The following CCDC102B variants were observed in gnomAD, a reference collection of about 807,000 sequenced individuals.
CCDC102B encodes coiled-coil domain-containing protein 102B.
CCDC102B carries 75 observed loss-of-function variants against 57.4 expected under a neutral mutation model. That is an observed-to-expected ratio of 1.31 (90% CI 1.08 to 1.58). The LOEUF (loss-of-function observed/expected upper bound fraction) is 1.58, where lower values mean the gene tolerates loss of function less well. Among genes scored for constraint, CCDC102B ranks in the 40% most tolerant of loss-of-function variants. CCDC102B has a pLI of 0.00. For missense variants in CCDC102B, 636 were observed against 582.6 expected (o/e 1.09, Z -0.94); for synonymous variants, 206 against 201.9 (o/e 1.02, Z -0.17).
At position 69,011,146 on chromosome 18, in the gene CCDC102B, T is replaced by C. The variant is rs761687107; in HGVS notation, c.1434+42T>C. ...GAACACGTGCTGGACAGCTTCTAAA[T>C]AGTATTTTAGAGCATATCTAAAGAT... On this transcript the variant is annotated intron_variant, in intron 7 of 7. Coordinates refer to ENST00000360242, the MANE Select transcript of CCDC102B (RefSeq NM_024781.3). 3 of 1,521,812 alleles carry C rather than the reference T, an allele frequency of 2.0e-6. No homozygotes were observed. In the South Asian group the frequency reaches 3.8e-5, roughly 19 times the overall value. 94.3% of individuals were successfully genotyped at this position (1,521,812 alleles called of 1,614,324 possible).
At chr18:68,818,528 C>T (rs1334422755) in intron 1 of CCDC102B, among the ~76,000 whole-genome samples, 5 of 152,154 alleles carry the variant, frequency 3.3e-5, no homozygotes, top group African/African-American at 4.8e-5. Context: ...CTTCTTCATG[C>T]CTTCCTCCTG....
downstream of CCDC102B, among the ~76,000 whole-genome samples, chr18:69,057,798 C>T (rs2145513045): frequency 6.6e-6 from 1 of 152,152 alleles, no homozygotes; most frequent in East Asian, 1.9e-4. Flanking sequence ...GCCACCCATG[C>T]CCATCTTGCA....
intron 2 of CCDC102B, among the ~76,000 whole-genome samples, chr18:68,745,543 G>A (rs1377551530): frequency 6.6e-6 from 1 of 152,008 alleles, no homozygotes; most frequent in Non-Finnish European, 1.5e-5. Context: ...GATCAGATTA[G>A]TGAGCGTATC....
At chr18:68,864,952 T>C (rs1038269437) in intron 4 of CCDC102B, among the ~76,000 whole-genome samples, 1 of 152,084 alleles carries the variant, frequency 6.6e-6, no homozygotes. Context: ...TCTGCTTGTA[T>C]TGCCACTATT....
chr18:68,933,268 C>A (rs1040546338), intron 6 of CCDC102B, among the ~76,000 whole-genome samples: 8 of 151,802 alleles, frequency 5.3e-5, no homozygotes, highest in African/African-American at 1.9e-4. Flanking sequence ...TTATCCACAA[C>A]CTTGTAATAA....
chr18:68,832,093 T>G (rs1274087829), intron 1 of CCDC102B, among the ~76,000 whole-genome samples: 1 of 150,928 alleles, frequency 6.6e-6, no homozygotes, highest in Non-Finnish European at 1.5e-5. Flanking sequence ...GCATTACAGG[T>G]CCTATGCTTT....
chr18:68,923,331 C>A (rs1054247630), intron 6 of CCDC102B, among the ~76,000 whole-genome samples: 1 of 151,566 alleles, frequency 6.6e-6, no homozygotes, highest in Non-Finnish European at 1.5e-5. Flanking sequence ...AGAAATCAGG[C>A]TATACAAAAA....
At chr18:68,832,740 T>C (rs544208105) in intron 1 of CCDC102B, among the ~76,000 whole-genome samples, 1 of 150,680 alleles carries the variant, frequency 6.6e-6, no homozygotes, top group South Asian at 2.1e-4. Flanking sequence ...TATAACCTGC[T>C]ACCTGAAGGA....
intron 5 of CCDC102B, among the ~76,000 whole-genome samples, chr18:68,887,249 A>C (rs2039921949): frequency 1.3e-5 from 2 of 152,166 alleles, no homozygotes. Flanking sequence ...GGAGCGCAGC[A>C]GTGAGGTGGA....
chr18:68,972,664 G>A (rs971182029), intron 6 of CCDC102B, among the ~76,000 whole-genome samples: 27 of 152,148 alleles, frequency 1.8e-4, no homozygotes, highest in African/African-American at 6.5e-4. Context: ...TCTGCACAGA[G>A]AGACATTAGG....
chr18:68,911,292 G>A (rs887190332), intron 6 of CCDC102B, among the ~76,000 whole-genome samples: 2 of 152,184 alleles, frequency 1.3e-5, no homozygotes, highest in Non-Finnish European at 2.9e-5. Flanking sequence ...GCAGGCACAT[G>A]AATAGTGTGG....
At chr18:68,959,736 T>C (rs2049998357) in intron 6 of CCDC102B, among the ~76,000 whole-genome samples, 1 of 152,026 alleles carries the variant, frequency 6.6e-6, no homozygotes, top group Non-Finnish European at 1.5e-5. Context: ...TTGCTCCCTT[T>C]TTCTCAAGCA....
In CCDC102B at chr18:68,812,292, A is replaced by G. The variant is rs1001898870; in HGVS notation, c.-16+14111A>G. Among the ~76,000 whole-genome samples, 89 of 152,014 alleles carry G rather than the reference A, an allele frequency of 5.9e-4. 1 individual carries two copies. Among genetic ancestry groups the G allele is most frequent in the Non-Finnish European group, 1.2e-3 (80 of 67,976 alleles). ...TAAAGTATCCAATAGCTTTCATTCTACTTTATAAAAAGTGATAAAATTTTA... is the reference window on the plus strand; with the variant it reads ...TAAAGTATCCAATAGCTTTCATTCTGCTTTATAAAAAGTGATAAAATTTTA... On this transcript the variant is annotated intron_variant, in intron 1 of 7. Transcript: ENST00000360242.
Position 69,055,125 on chromosome 18 carries a change from A to G in CCDC102B, c.*988A>G. On this transcript the variant is annotated 3_prime_UTR_variant, in exon 8 of 8. Coordinates refer to ENST00000360242, the MANE Select transcript of CCDC102B (RefSeq NM_024781.3). ...GTTTTACTCATCTCCCCCTCCATTG[A>G]TTAGCCAAAAAAAAATGAAATCTTA... The G allele has an allele frequency of 1.0e-6, 1 of 983,072 alleles. No homozygotes were observed. The highest frequency in any genetic ancestry group is 1.2e-6 in the Non-Finnish European group (1 of 827,896). The allele number at this position is 983,072 out of a possible 1,614,324, so 60.9% of individuals were successfully genotyped here.
intron 2 of CCDC102B, among the ~76,000 whole-genome samples, chr18:68,768,983 G>A (rs1406433462): frequency 6.6e-6 from 1 of 152,110 alleles, no homozygotes. Context: ...GCTGAATTCG[G>A]TGGTTCACGC....
chr18:68,860,925 G>A (rs936934635), intron 4 of CCDC102B, among the ~76,000 whole-genome samples: 11 of 147,228 alleles, frequency 7.5e-5, no homozygotes, highest in Non-Finnish European at 1.3e-4. Flanking sequence ...CAGTCCTGGC[G>A]CCCAACTGCT....
At chr18:68,738,270 G>A (rs1395574534) in intron 2 of CCDC102B, among the ~76,000 whole-genome samples, 1 of 152,118 alleles carries the variant, frequency 6.6e-6, no homozygotes, top group East Asian at 1.9e-4. Context: ...TGTGAGCAGA[G>A]TAGACATTCT....
intron 6 of CCDC102B, among the ~76,000 whole-genome samples, chr18:68,898,060 AT>A (rs889378906): frequency 6.6e-6 from 1 of 152,028 alleles, no homozygotes; most frequent in Non-Finnish European, 1.5e-5. Flanking sequence ...ATAGACGGAC[AT>A]TTTTTTGATA....
intron 1 of CCDC102B, among the ~76,000 whole-genome samples, chr18:68,832,078 T>C (rs1490717379): frequency 6.6e-6 from 1 of 152,070 alleles, no homozygotes; most frequent in Non-Finnish European, 1.5e-5. Flanking sequence ...TTTGTTATTT[T>C]GTGTGCATTA....
Sources: allele counts gnomAD v4.1 joint callset (sites outside exome capture counted in the v4.1 genomes callset), GRCh38; gene constraint gnomAD v4.1.1; transcripts MANE v1.5; gene names NCBI Gene and HGNC (gene_info 2026-07-23, HGNC 2026-07-21).